ITGAL: variants seen among roughly 807,000 people sequenced by gnomAD.
ITGAL encodes integrin alpha-L.
In ITGAL, 68 loss-of-function variants were observed where a neutral mutation model predicts 138.4. The observed-to-expected ratio is 0.49, with a 90% CI of 0.40 to 0.60. ITGAL has a LOEUF of 0.60. Among genes scored for constraint, ITGAL ranks in the 20% least tolerant of loss-of-function variants. ITGAL has a pLI of 0.00. For synonymous variants in ITGAL, 561 were observed against 584.3 expected (o/e 0.96, Z 0.57); for missense variants, 1,256 against 1,478.6 (o/e 0.85, Z 2.47).
intron 17 of ITGAL, 124 bp downstream of exon 17, chr16:30,499,613 A>G: frequency 2.5e-6 from 2 of 806,052 alleles, no homozygotes; most frequent in South Asian, 3.6e-5. Flanking sequence ...CTCCTGTGCA[A>G]TGGTAGTAAT....
At chr16:30,482,459 T>C (rs1045173676) in intron 7 of ITGAL, among the ~76,000 whole-genome samples, 2 of 151,914 alleles carry the variant, frequency 1.3e-5, no homozygotes, top group Non-Finnish European at 2.9e-5. Flanking sequence ...GAGAAGTCAT[T>C]AGAGGTTTTG....
At chr16:30,500,523 C>G (rs967973512) in intron 17 of ITGAL, among the ~76,000 whole-genome samples, 1 of 151,808 alleles carries the variant, frequency 6.6e-6, no homozygotes, top group African/African-American at 2.4e-5. Flanking sequence ...CTGGCTGCTT[C>G]TAGGTTTTTA....
chr16:30,513,489 A>G (rs188067049), intron 24 of ITGAL, among the ~76,000 whole-genome samples: 5 of 152,226 alleles, frequency 3.3e-5, no homozygotes, highest in Admixed American at 6.5e-5. Flanking sequence ...GGCCCAGAGG[A>G]CAGTGGAGAC....
rs140926684 is a variant in ITGAL at position 30,482,096 on chromosome 16, T to C, written c.722+512T>C. On this transcript the variant is annotated intron_variant, in intron 7 of 30. Transcript: ENST00000356798. ...TTTTAGTAGAGATAGGCTTTCACCA[T>C]GTTGGCCAGGCTGGACTCAAACTCC... Among the ~76,000 whole-genome samples, 854 of 152,118 alleles carry C rather than the reference T, an allele frequency of 5.6e-3. 8 individuals are homozygous for C. Among genetic ancestry groups the C allele is most frequent in the African/African-American group, 0.02 (816 of 41,496 alleles).
intron 9 of ITGAL, among the ~76,000 whole-genome samples, chr16:30,486,226 C>T (rs549292191): frequency 2.2e-4 from 34 of 152,184 alleles, no homozygotes; most frequent in African/African-American, 7.5e-4. Flanking sequence ...ATGGGCTGAG[C>T]GTGGTGGCTC....
At chr16:30,511,175 A>G (rs1427213475) in intron 24 of ITGAL, 39 bp downstream of exon 24, 2 of 1,515,260 alleles carry the variant, frequency 1.3e-6, no homozygotes, top group Non-Finnish European at 1.8e-6. Flanking sequence ...CTCTCCTCCC[A>G]CCGCAGCCTC....
At chr16:30,499,673 A>ATG (rs1305246162) in intron 17 of ITGAL, 184 bp downstream of exon 17, 29 of 189,482 alleles carry the variant, frequency 1.5e-4, no homozygotes, top group Admixed American at 7.0e-4. Context: ...TTATATATAT[A>ATG]TGTGTATATA....
At chr16:30,517,941 A>G (rs757061721) in intron 28 of ITGAL, 46 bp downstream of exon 28, 65 of 1,508,000 alleles carry the variant, frequency 4.3e-5, no homozygotes, top group East Asian at 1.1e-4. Context: ...GGGGGCCCCA[A>G]TGCCTGGGGC....
rs549805364 is a variant in ITGAL at position 30,516,851 on chromosome 16, G to A, written c.2863-122G>A. Reference sequence around the variant, plus strand: ...CCCAGTCACTGGACACTGCCTAACCGACAAGGGCCCTGGGGACTCAGCCAA... The same window carrying A: ...CCCAGTCACTGGACACTGCCTAACCAACAAGGGCCCTGGGGACTCAGCCAA... On this transcript the variant is annotated intron_variant, in intron 25 of 30. Transcript: ENST00000356798. The A allele has an allele frequency of 5.2e-5, 39 of 756,924 alleles. No individual in the cohort carries two copies. The East Asian group carries it at 5.3e-4, about 10-fold the overall frequency. The allele number at this position is 756,924 out of a possible 1,614,324, so 46.9% of individuals were successfully genotyped here.
chr16:30,519,743 C>T lies in ITGAL; in HGVS notation c.3229-114C>T, dbSNP rs895303998. ...AAGGGAGAGGGTCTGCAGCTGGAGA[C>T]TCCAGGCGGGTGATGCAGTCCGGAT... On this transcript the variant is annotated intron_variant, in intron 29 of 30. Transcript: ENST00000356798. The T allele has an allele frequency of 9.5e-6, 7 of 740,234 alleles. No individual in the cohort carries two copies. In the African/African-American group the frequency reaches 1.0e-4, roughly 11 times the overall value. 45.9% of individuals were successfully genotyped at this position (740,234 alleles called of 1,614,324 possible). A position where few individuals can be genotyped will look rare whatever the true frequency, so the allele number is the denominator to read the frequency against.
intron 17 of ITGAL, among the ~76,000 whole-genome samples, chr16:30,501,244 T>C (rs2050893227): frequency 1.3e-5 from 2 of 152,142 alleles, no homozygotes; most frequent in African/African-American, 4.8e-5. Context: ...TATATATTAA[T>C]GCTGCTACAC....
At position 30,499,180 on chromosome 16, in the gene ITGAL, G is replaced by C. The variant is rs748500390; in HGVS notation, c.1939G>C (p.Gly647Arg). The change falls in exon 16 of 31, where the codon GGA (glycine) becomes CGA (arginine). Residue 647 changes from glycine (G) to arginine (R), a missense_variant. Around this residue, in one of 3 missense-constraint regions of ITGAL, gnomAD observed 867 missense variants for 972.5 expected, o/e 0.89. Coordinates refer to ENST00000356798, the MANE Select transcript of ITGAL (RefSeq NM_002209.3). ...SYSTSNKMKE[G>R]VNITICFQIK... ...TTCAACCAGTAACAAGATGAAAGAA[G>C]GAGTTAATATCACAATCTGTTTCCA... is the stretch of plus-strand genomic sequence containing the variant. 3 of 1,614,118 alleles carry C rather than the reference G, an allele frequency of 1.9e-6. No homozygotes were observed. Among genetic ancestry groups the C allele is most frequent in the Non-Finnish European group, 2.5e-6 (3 of 1,179,998 alleles).
Position 30,479,380 on chromosome 16 carries a change from GAGCTTGC to G in ITGAL, c.499_505del (p.Leu167GlnfsTer11). On this transcript the variant is annotated frameshift_variant, in exon 6 of 31. Transcript: ENST00000356798. LOFTEE classifies it high-confidence loss of function. ...TGGTATTTCTGTTTGATGGTTCGAT[GAGCTTGC>G]AGCCAGATGAATTTCAGAAAATTCT... 6.2e-7 allele frequency: 1 copy of G among 1,614,110 alleles called. No individual in the cohort carries two copies. The highest frequency in any genetic ancestry group is 1.1e-5 in the South Asian group (1 of 91,072).
intron 4 of ITGAL, among the ~76,000 whole-genome samples, chr16:30,478,790 TG>T (rs1317051657): frequency 6.6e-6 from 1 of 151,858 alleles, no homozygotes; most frequent in Non-Finnish European, 1.5e-5. Context: ...AAAAAGAGAT[TG>T]GGACTAGGAG....
intron 17 of ITGAL, among the ~76,000 whole-genome samples, chr16:30,501,254 C>G (rs1370984392): frequency 2.6e-5 from 4 of 152,018 alleles, no homozygotes; most frequent in Non-Finnish European, 5.9e-5. Context: ...TGCTGCTACA[C>G]AGCTTTCATA....
intron 6 of ITGAL, among the ~76,000 whole-genome samples, chr16:30,480,282 T>A (rs2050534603): frequency 6.6e-6 from 1 of 152,166 alleles, no homozygotes; most frequent in Non-Finnish European, 1.5e-5. Context: ...TTCTTCTCTT[T>A]TCTCAGTCTC....
chr16:30,485,980 T>A (rs2050641496), intron 9 of ITGAL, among the ~76,000 whole-genome samples: 2 of 152,136 alleles, frequency 1.3e-5, no homozygotes, highest in Admixed American at 1.3e-4. Flanking sequence ...CTGTCACTTA[T>A]CCAAGGCTCC....
chr16:30,479,400 T>C lies in ITGAL; in HGVS notation c.515T>C (p.Phe172Ser). Residue 172 changes from phenylalanine (F) to serine (S), a missense_variant, in exon 6 of 31, where the codon TTT becomes TCT. Physicochemically the swap from Phe to Ser is radical, Grantham distance 155. Around this residue, in one of 3 missense-constraint regions of ITGAL, gnomAD observed 177 missense variants for 288.8 expected, o/e 0.61. Coordinates refer to ENST00000356798, the MANE Select transcript of ITGAL (RefSeq NM_002209.3). The stretch of plus-strand genomic sequence containing the variant: ...TCGATGAGCTTGCAGCCAGATGAAT[T>C]TCAGAAAATTCTGGACTTCATGAAG... ...DGSMSLQPDE[F>S]QKILDFMKDV... is the part of the protein sequence containing the mutation. 1 of 1,614,060 alleles carries C rather than the reference T, an allele frequency of 6.2e-7. No individual in the cohort carries two copies. The highest frequency in any genetic ancestry group is 8.5e-7 in the Non-Finnish European group (1 of 1,179,990).
intron 4 of ITGAL, among the ~76,000 whole-genome samples, chr16:30,476,713 A>G (rs1597061662): frequency 6.6e-6 from 1 of 151,554 alleles, no homozygotes; most frequent in African/African-American, 2.4e-5. Context: ...GTTCACTGCA[A>G]CCTCCGCCTC....
Sources: gnomAD v4.1 joint callset for allele counts (sites outside exome capture counted in the v4.1 genomes callset) on GRCh38, gnomAD v4.1.1 for gene constraint, gnomAD v4.1.1 regional missense constraint, MANE v1.5 for transcripts, NCBI Gene and HGNC (gene_info 2026-07-23, HGNC 2026-07-21) for gene names.